Variants in AGBL1 observed in about 807,000 individuals in gnomAD.
AGBL1 encodes cytosolic carboxypeptidase 4.
AGBL1 carries 130 observed loss-of-function variants against 118.9 expected under a neutral mutation model. The ratio of observed to expected loss-of-function variants is 1.09; its 90% confidence interval spans 0.95 to 1.26. The LOEUF is 1.26. Ranked by LOEUF, AGBL1 falls within the 50% of genes most tolerant of loss-of-function variation. The probability of loss-of-function intolerance (pLI) is 0.00; values close to 1 mark genes in which losing one functional copy is unlikely to be tolerated. For synonymous variants in AGBL1, 555 were observed against 478.9 expected, an observed-to-expected ratio of 1.16 and a Z score of -2.08; for missense variants, 1,584 against 1,298.1, an observed-to-expected ratio of 1.22 and a Z score of -3.38.
At chr15:86,525,254 C>T (rs115185675) in intron 19 of AGBL1, among the ~76,000 whole-genome samples, 1,785 of 151,884 alleles carry the variant, frequency 0.012, 25 homozygotes, top group African/African-American at 0.04. Flanking sequence ...GACATGACAC[C>T]GACAAATGGA....
chr15:86,530,642 T>C (rs2083336935), intron 19 of AGBL1, among the ~76,000 whole-genome samples: 1 of 151,660 alleles, frequency 6.6e-6, no homozygotes, highest in Non-Finnish European at 1.5e-5. Context: ...CCACCCCAAA[T>C]CAACAGAATA....
intron 24 of AGBL1, among the ~76,000 whole-genome samples, chr15:87,001,442 G>A (rs910411073): frequency 3.9e-5 from 6 of 151,988 alleles, no homozygotes; most frequent in Non-Finnish European, 7.4e-5. Flanking sequence ...CAATAAATAT[G>A]TGTGCATGTG....
chr15:86,976,093 G>T (rs2081173960), intron 23 of AGBL1, among the ~76,000 whole-genome samples: 1 of 151,512 alleles, frequency 6.6e-6, no homozygotes. Context: ...AATTATAAAA[G>T]TATGAATAGG....
intron 22 of AGBL1, among the ~76,000 whole-genome samples, chr15:86,716,177 C>T (rs1475756863): frequency 6.6e-6 from 1 of 152,122 alleles, no homozygotes; most frequent in African/African-American, 2.4e-5. Context: ...TCCTCCATTC[C>T]TGGAATCTCT....
chr15:86,822,942 G>T (rs997919367), intron 22 of AGBL1, among the ~76,000 whole-genome samples: 1 of 152,144 alleles, frequency 6.6e-6, no homozygotes, highest in Non-Finnish European at 1.5e-5. Flanking sequence ...AGATGATATA[G>T]AAATCTTAGA....
At chr15:86,380,140 C>T (rs1050637431) in intron 17 of AGBL1, among the ~76,000 whole-genome samples, 1 of 152,150 alleles carries the variant, frequency 6.6e-6, no homozygotes, top group East Asian at 1.9e-4. Flanking sequence ...GAAAAACTGA[C>T]GACCAAAAAA....
intron 13 of AGBL1, among the ~76,000 whole-genome samples, chr15:86,267,506 C>G (rs1368581507): frequency 2.0e-5 from 3 of 152,258 alleles, no homozygotes; most frequent in African/African-American, 7.2e-5. Context: ...GCCTGTTGCT[C>G]TCATTCCTGT....
rs1036854969 is a variant in AGBL1 at position 86,396,105 on chromosome 15, A to G, written c.2375-1261A>G. 1.0e-4 allele frequency among the ~76,000 whole-genome samples: 15 copies of G among 148,426 alleles called. No homozygotes were observed. The East Asian group carries it at 1.4e-3, about 14-fold the overall frequency. Reference sequence around the variant, plus strand: ...GGTTGAATAGTATTCTATTGTATCTATGTGTGTGTGTATATATAAAATCAT... The same window carrying G: ...GGTTGAATAGTATTCTATTGTATCTGTGTGTGTGTGTATATATAAAATCAT... On this transcript the variant is annotated intron_variant, in intron 17 of 22. Coordinates refer to ENST00000614907, the MANE Select transcript of AGBL1 (RefSeq NM_001386094.1).
At chr15:86,090,277 A>T (rs1895935068) in intron 1 of AGBL1, among the ~76,000 whole-genome samples, 1 of 152,170 alleles carries the variant, frequency 6.6e-6, no homozygotes, top group Non-Finnish European at 1.5e-5. Flanking sequence ...TCCACTAAAC[A>T]TATTTTTCTG....
chr15:86,394,532 A>G (rs10520626), intron 17 of AGBL1, among the ~76,000 whole-genome samples: 16,860 of 152,150 alleles, frequency 0.11, 1,206 homozygotes, highest in East Asian at 0.16. Context: ...TGTAGCAAAA[A>G]CATGAGTACA....
At chr15:86,186,409 C>T (rs1360569022) in intron 5 of AGBL1, among the ~76,000 whole-genome samples, 1 of 152,190 alleles carries the variant, frequency 6.6e-6, no homozygotes, top group Non-Finnish European at 1.5e-5. Flanking sequence ...GTTATGCATT[C>T]CAACACAAGT....
chr15:86,166,915 G>A (rs1351320100), intron 5 of AGBL1, among the ~76,000 whole-genome samples: 1 of 152,080 alleles, frequency 6.6e-6, no homozygotes, highest in Non-Finnish European at 1.5e-5. Flanking sequence ...TACAGAAATT[G>A]CATTTCCACC....
At chr15:86,542,568 A>C (rs1392208073) in intron 19 of AGBL1, among the ~76,000 whole-genome samples, 1 of 151,908 alleles carries the variant, frequency 6.6e-6, no homozygotes, top group Non-Finnish European at 1.5e-5. Flanking sequence ...GGGTTTCACC[A>C]TGTTGGCCAG....
chr15:86,154,297 C>A, intron 3 of AGBL1, 133 bp from the exon 4 acceptor site: 2 of 973,554 alleles, frequency 2.1e-6, no homozygotes, highest in Non-Finnish European at 3.0e-6. Flanking sequence ...CAGCATTTGT[C>A]ACTAGGTCTG....
At chr15:86,927,396 C>T (rs2080554619) in intron 23 of AGBL1, among the ~76,000 whole-genome samples, 1 of 148,316 alleles carries the variant, frequency 6.7e-6, no homozygotes. Context: ...TGACACCAGC[C>T]TGGGCAATAA....
downstream of AGBL1, among the ~76,000 whole-genome samples, chr15:86,916,646 G>C (rs1028272712): frequency 1.3e-5 from 2 of 152,170 alleles, no homozygotes; most frequent in Non-Finnish European, 2.9e-5. Context: ...TATGGCTTTG[G>C]GCTGACCCTT....
chr15:86,793,058 C>T (rs181175530), intron 22 of AGBL1, among the ~76,000 whole-genome samples: 1 of 152,102 alleles, frequency 6.6e-6, no homozygotes, highest in Admixed American at 6.6e-5. Flanking sequence ...TAACGCCATC[C>T]TCAAGGTACA....
At chr15:86,128,507 C>G (rs967504) in intron 1 of AGBL1, among the ~76,000 whole-genome samples, 21,246 of 152,164 alleles carry the variant, frequency 0.14, 1,621 homozygotes, top group Middle Eastern at 0.24. Context: ...TTCTAACTTA[C>G]CGTATGAGCA....
At chr15:86,085,499 G>A (rs1363166783) in intron 1 of AGBL1, among the ~76,000 whole-genome samples, 1 of 152,214 alleles carries the variant, frequency 6.6e-6, no homozygotes, top group East Asian at 1.9e-4. Context: ...GTCAACCAAG[G>A]TGATAATTGC....
Sources: allele counts gnomAD v4.1 joint callset (sites outside exome capture counted in the v4.1 genomes callset), GRCh38; gene constraint gnomAD v4.1.1; transcripts MANE v1.5; gene names NCBI Gene and HGNC (gene_info 2026-07-23, HGNC 2026-07-21).